CSMD1: variants seen among roughly 807,000 people sequenced by gnomAD.
CSMD1 encodes CUB and Sushi multiple domains 1.
In CSMD1, 213 loss-of-function variants were observed where a neutral mutation model predicts 417.5. That is an observed-to-expected ratio of 0.51 (90% CI 0.46 to 0.57). The LOEUF (loss-of-function observed/expected upper bound fraction) is 0.57, where lower values mean the gene tolerates loss of function less well. Ranked by LOEUF, CSMD1 falls within the 20% of genes least tolerant of loss-of-function variation. CSMD1 has a pLI of 0.00. For missense variants in CSMD1, 6,923 were observed against 4,529.7 expected (o/e 1.53, Z -15.17); for synonymous variants, 2,862 against 1,736.8 (o/e 1.65, Z -16.11).
chr8:4,930,032 G>A (rs760779362), intron 1 of CSMD1, among the ~76,000 whole-genome samples: 47 of 152,162 alleles, frequency 3.1e-4, no homozygotes, highest in Non-Finnish European at 6.3e-4. Context: ...GAAAGGAACA[G>A]GGGTGCACGG....
intron 5 of CSMD1, among the ~76,000 whole-genome samples, chr8:3,811,592 A>G (rs1291566177): frequency 6.6e-6 from 1 of 152,024 alleles, no homozygotes; most frequent in African/African-American, 2.4e-5. Flanking sequence ...TCATGGGACA[A>G]CCACAGGCAC....
intron 3 of CSMD1, among the ~76,000 whole-genome samples, chr8:4,046,475 G>C (rs1585199970): frequency 6.6e-6 from 1 of 152,152 alleles, no homozygotes; most frequent in African/African-American, 2.4e-5. Flanking sequence ...TTCATGAAAA[G>C]AGTCTTTCGG....
At chr8:4,474,659 A>C (rs1341506095) in intron 2 of CSMD1, among the ~76,000 whole-genome samples, 1 of 152,164 alleles carries the variant, frequency 6.6e-6, no homozygotes, top group African/African-American at 2.4e-5. Flanking sequence ...ACTCTTACAC[A>C]GTTGACGTTG....
At chr8:4,735,391 T>C (rs544324153) in intron 1 of CSMD1, among the ~76,000 whole-genome samples, 1 of 152,302 alleles carries the variant, frequency 6.6e-6, no homozygotes, top group Non-Finnish European at 1.5e-5. Context: ...CATCAATTTA[T>C]CTGCCCCAAA....
At position 4,893,134 on chromosome 8, in the gene CSMD1, A is replaced by G. The variant is rs572574238; in HGVS notation, c.85+101198T>C. On this transcript the variant is annotated intron_variant, in intron 1 of 69. Coordinates refer to ENST00000635120, the MANE Select transcript of CSMD1 (RefSeq NM_033225.6). ...CTAGTTTTTGTCAGTGTGACAGGTA[A>G]ACATAATACCTTTTTGTTGTTTTAA... is the stretch of plus-strand genomic sequence containing the variant. Among the ~76,000 whole-genome samples, 16 of 152,204 alleles carry G rather than the reference A, an allele frequency of 1.1e-4. No homozygotes were observed. In the South Asian group the frequency reaches 3.3e-3, roughly 32 times the overall value.
At chr8:3,963,469 A>G (rs2627481) in intron 5 of CSMD1, among the ~76,000 whole-genome samples, 68,675 of 151,974 alleles carry the variant, frequency 0.45, 16,358 homozygotes, top group East Asian at 0.71. Context: ...TGAATGCCTC[A>G]TAACTGAACA....
chr8:3,646,932 A>T (rs1291644349), intron 7 of CSMD1, among the ~76,000 whole-genome samples: 3 of 152,172 alleles, frequency 2.0e-5, no homozygotes, highest in African/African-American at 7.2e-5. Flanking sequence ...AAAAAAATTT[A>T]AAACCTCAAC....
chr8:4,872,535 G>A (rs1463766814), intron 1 of CSMD1, among the ~76,000 whole-genome samples: 1 of 152,016 alleles, frequency 6.6e-6, no homozygotes, highest in Non-Finnish European at 1.5e-5. Flanking sequence ...ATCATTGTAA[G>A]TTTCCTGAGG....
At chr8:4,091,091 G>A (rs1333885110) in intron 3 of CSMD1, among the ~76,000 whole-genome samples, 1 of 151,760 alleles carries the variant, frequency 6.6e-6, no homozygotes, top group Non-Finnish European at 1.5e-5. Context: ...GCTAATTTTT[G>A]TAATTTTAGT....
At chr8:3,237,718 CT>C (rs376712802) in intron 26 of CSMD1, among the ~76,000 whole-genome samples, 1,773 of 116,560 alleles carry the variant, frequency 0.015, 125 homozygotes, top group Middle Eastern at 0.036. Flanking sequence ...TATAATTATA[CT>C]TATACTACAA....
At chr8:4,142,585 C>T (rs550253608) in intron 3 of CSMD1, among the ~76,000 whole-genome samples, 9 of 151,258 alleles carry the variant, frequency 6.0e-5, no homozygotes, top group South Asian at 2.1e-4. Context: ...TAGAAAAACA[C>T]GTTTTTTTCA....
At chr8:4,168,146 TACACACACACACACAC>T (rs34184056) in intron 3 of CSMD1, among the ~76,000 whole-genome samples, 7 of 149,388 alleles carry the variant, frequency 4.7e-5, no homozygotes, top group East Asian at 2.0e-4. Flanking sequence ...AAAAAAAATA[TACACACACACACACAC>T]ACACACACAC....
At chr8:4,669,833 G>T (rs1195021095) in intron 1 of CSMD1, among the ~76,000 whole-genome samples, 3 of 152,164 alleles carry the variant, frequency 2.0e-5, no homozygotes, top group East Asian at 3.9e-4. Context: ...CATCCAAGAA[G>T]AATGGTTTCT....
chr8:3,374,722 A>C (rs1810198889), intron 18 of CSMD1, among the ~76,000 whole-genome samples: 1 of 152,050 alleles, frequency 6.6e-6, no homozygotes, highest in South Asian at 2.1e-4. Flanking sequence ...CTGTCTGCTG[A>C]GGTTTCTCTG....
chr8:4,079,555 T>C (rs1054569106), intron 3 of CSMD1, among the ~76,000 whole-genome samples: 1 of 152,214 alleles, frequency 6.6e-6, no homozygotes, highest in Non-Finnish European at 1.5e-5. Flanking sequence ...AAGATATTTA[T>C]TGATGTACTT....
At chr8:4,151,812 G>A (rs2897778) in intron 3 of CSMD1, among the ~76,000 whole-genome samples, 59,023 of 152,006 alleles carry the variant, frequency 0.39, 13,782 homozygotes, top group African/African-American at 0.65. Flanking sequence ...ATAATTGTTC[G>A]AAGTTTTTTT....
intron 3 of CSMD1, among the ~76,000 whole-genome samples, chr8:4,229,466 C>T (rs560537431): frequency 6.6e-6 from 1 of 152,348 alleles, no homozygotes; most frequent in African/African-American, 2.4e-5. Context: ...CCACAATCAC[C>T]AACAAGCACT....
At chr8:3,267,026 T>C (rs1157691374) in intron 26 of CSMD1, among the ~76,000 whole-genome samples, 2 of 152,142 alleles carry the variant, frequency 1.3e-5, no homozygotes, top group Non-Finnish European at 1.5e-5. Flanking sequence ...TTTTAGGTAT[T>C]ATTTTTAAAT....
intron 1 of CSMD1, among the ~76,000 whole-genome samples, chr8:4,642,007 G>T (rs1803224197): frequency 6.6e-6 from 1 of 152,290 alleles, no homozygotes; most frequent in East Asian, 1.9e-4. Context: ...GAACAATTTG[G>T]ATTTGGATTA....
Sources: allele counts gnomAD v4.1 joint callset (sites outside exome capture counted in the v4.1 genomes callset), GRCh38; gene constraint gnomAD v4.1.1; transcripts MANE v1.5; gene names NCBI Gene and HGNC (gene_info 2026-07-23, HGNC 2026-07-21).